The following NAP1L1 variants were observed in gnomAD, a reference collection of about 807,000 sequenced individuals.
The protein encoded by NAP1L1 is nucleosome assembly protein 1 like 1.
In NAP1L1, 9 loss-of-function variants were observed where a neutral mutation model predicts 58.9. The observed-to-expected ratio is 0.15, with a 90% CI of 0.09 to 0.27. The LOEUF (loss-of-function observed/expected upper bound fraction) is 0.27. Among genes scored for constraint, NAP1L1 ranks in the 10% least tolerant of loss-of-function variants. The pLI, the probability that NAP1L1 is intolerant of heterozygous loss-of-function variation, is 1.00. For missense variants in NAP1L1, 302 were observed against 458.8 expected, an observed-to-expected ratio of 0.66 and a Z score of 3.12; for synonymous variants, 130 against 138.3, an observed-to-expected ratio of 0.94 and a Z score of 0.42.
At chr12:76,049,688 T>A in intron 13 of NAP1L1, 68 bp downstream of exon 13, 1 of 1,577,610 alleles carries the variant, frequency 6.3e-7, no homozygotes, top group South Asian at 1.1e-5. Flanking sequence ...AAGGAATACA[T>A]AAGTCATTCA....
chr12:76,077,980 C>CAAAAAAA (rs58558132), intron 1 of NAP1L1, among the ~76,000 whole-genome samples: 40 of 65,450 alleles, frequency 6.1e-4, no homozygotes, highest in East Asian at 2.9e-3. Flanking sequence ...GACCCTGTCT[C>CAAAAAAA]AAAAAAAAAA....
At chr12:76,052,154 T>C (rs147987907) in intron 11 of NAP1L1, among the ~76,000 whole-genome samples, 8 of 152,042 alleles carry the variant, frequency 5.3e-5, no homozygotes, top group African/African-American at 1.9e-4. Flanking sequence ...ATCTAATAAA[T>C]AGAAAAATCC....
chr12:76,070,764 A>T (rs922742438), intron 2 of NAP1L1, among the ~76,000 whole-genome samples: 1 of 152,124 alleles, frequency 6.6e-6, no homozygotes. Flanking sequence ...AGTCCCTTAT[A>T]TAAAATGGCA....
rs369849233 is a variant in NAP1L1, at chr12:76,050,666, G to C, written c.937-13C>G. ...CAGCATCATCATCCTATTTTTAAAGGAAAACAAAAGCAGAAAATTTAGGAA... is the reference window on the plus strand; with the variant it reads ...CAGCATCATCATCCTATTTTTAAAGCAAAACAAAAGCAGAAAATTTAGGAA... On this transcript the variant is annotated splice_polypyrimidine_tract_variant and intron_variant, in intron 11 of 14. Transcript: ENST00000618691. 209 of 1,592,206 alleles carry C rather than the reference G, an allele frequency of 1.3e-4. 1 individual carries two copies. In the Middle Eastern group the frequency reaches 1.5e-3, roughly 12 times the overall value.
In NAP1L1 at chr12:76,048,282, TG is replaced by T. The variant is rs1270247292; in HGVS notation, c.*146del. ...AGTTAAAATGCTAGGTAGAACAAAT[TG>T]GTCTTTAAAATATCAGTTTCCTGTC... On this transcript the variant is annotated 3_prime_UTR_variant, in exon 15 of 15. Transcript: ENST00000618691. 3.8e-6 allele frequency: 3 copies of T among 779,376 alleles called. No individual in the cohort carries two copies. The African/African-American group carries it at 5.3e-5, about 14-fold the overall frequency. The allele number at this position is 779,376 out of a possible 1,614,324, so 48.3% of individuals were successfully genotyped here.
chr12:76,048,484 A>C lies in NAP1L1; in HGVS notation c.1141-20T>G, dbSNP rs1565711745. 1.2e-6 allele frequency: 2 copies of C among 1,613,526 alleles called. No individual in the cohort carries two copies. The highest frequency in any genetic ancestry group is 2.2e-5 in the South Asian group (2 of 91,048). ...ATCCTTCTGTTAAAGGAAAACAACA[A>C]GTCAATCTATCTTCTTCTACCTGCT... On this transcript the variant is annotated intron_variant, in intron 14 of 14. Transcript: ENST00000618691.
chr12:76,049,429 C>T, intron 13 of NAP1L1, 179 bp from the exon 14 acceptor site: 1 of 1,534,578 alleles, frequency 6.5e-7, no homozygotes, highest in Middle Eastern at 1.7e-4. Flanking sequence ...CCCAACACAA[C>T]TTGAGACATC....
At chr12:76,067,722 A>G (rs1463591059) in intron 3 of NAP1L1, among the ~76,000 whole-genome samples, 1 of 152,176 alleles carries the variant, frequency 6.6e-6, no homozygotes, top group East Asian at 1.9e-4. Flanking sequence ...AACTATATGA[A>G]CAATATCCTT....
At position 76,069,030 on chromosome 12, in the gene NAP1L1, T is replaced by C. The variant is rs1592677786; in HGVS notation, c.18-36A>G. 17 of 1,400,468 alleles carry C rather than the reference T, an allele frequency of 1.2e-5. No homozygotes were observed. The East Asian group carries it at 3.5e-4, about 29-fold the overall frequency. 86.8% of individuals were successfully genotyped at this position (1,400,468 alleles called of 1,614,324 possible). A position where few individuals can be genotyped will look rare whatever the true frequency, so the allele number is the denominator to read the frequency against. On this transcript the variant is annotated intron_variant, in intron 2 of 14. Coordinates refer to ENST00000618691, the MANE Select transcript of NAP1L1 (RefSeq NM_004537.7). ...ATAGTATCACACCAAGGTTCAAATG[T>C]ACCAATTACCAAAAAAAGTTACAGA...
rs1260303460 is a variant in NAP1L1, at chr12:76,039,894, T to C, written c.*8535A>G. 1 of 152,234 alleles carries C rather than the reference T, an allele frequency of 6.6e-6. No homozygotes were observed. Among genetic ancestry groups the C allele is most frequent in the Non-Finnish European group, 1.5e-5 (1 of 68,040 alleles). 9.4% of individuals were successfully genotyped at this position (152,234 alleles called of 1,614,324 possible). A position where few individuals can be genotyped will look rare whatever the true frequency, so the allele number is the denominator to read the frequency against. The stretch of plus-strand genomic sequence containing the variant: ...CTGAAATCCCACTAGTTTAAAACTA[T>C]ACATGGAATAGCAATGAAGTTTTTC... On this transcript the variant is annotated 3_prime_UTR_variant, in exon 15 of 15. Coordinates refer to ENST00000618691, the MANE Select transcript of NAP1L1 (RefSeq NM_004537.7).
At chr12:76,075,945 C>T (rs550226825) in intron 1 of NAP1L1, among the ~76,000 whole-genome samples, 2 of 152,190 alleles carry the variant, frequency 1.3e-5, no homozygotes, top group African/African-American at 4.8e-5. Flanking sequence ...AGAAGGACCG[C>T]TTGAGGCCAG....
intron 6 of NAP1L1, chr12:76,058,225 GTATTC>G: frequency 9.7e-6 from 2 of 206,196 alleles, no homozygotes; most frequent in Non-Finnish European, 9.6e-6. Flanking sequence ...ATATATATAT[GTATTC>G]TACAGTAAAA....
chr12:76,079,012 C>CACAT (rs1950300342), intron 1 of NAP1L1, among the ~76,000 whole-genome samples: 9 of 151,712 alleles, frequency 5.9e-5, no homozygotes, highest in Non-Finnish European at 1.5e-5. Flanking sequence ...CACACACACA[C>CACAT]ATATATTTAT....
rs986480818 is a variant in NAP1L1 at position 76,042,902 on chromosome 12, T to G, written c.*5527A>C. The G allele has an allele frequency of 1.3e-5, 2 of 152,178 alleles. No homozygotes were observed. Among genetic ancestry groups the G allele is most frequent in the African/African-American group, 2.4e-5 (1 of 41,448 alleles). 9.4% of individuals were successfully genotyped at this position (152,178 alleles called of 1,614,324 possible). On this transcript the variant is annotated 3_prime_UTR_variant, in exon 15 of 15. Coordinates refer to ENST00000618691, the MANE Select transcript of NAP1L1 (RefSeq NM_004537.7). ...AGTATGTTGATCAGAGTAAAGAATA[T>G]ACCGGAATTCTTTCAACTATTTTCA... is the stretch of plus-strand genomic sequence containing the variant.
At chr12:76,068,067 T>C (rs1264616924) in intron 3 of NAP1L1, among the ~76,000 whole-genome samples, 2 of 152,218 alleles carry the variant, frequency 1.3e-5, no homozygotes, top group Admixed American at 6.5e-5. Flanking sequence ...ACTAGACTTA[T>C]ACAAAACAAA....
chr12:76,042,635 A>G lies in NAP1L1; in HGVS notation c.*5794T>C, dbSNP rs1948561207. ...ACGGACGGCAGTAGCAGTAGGAAAA[A>G]TAACATTGTTTGATTCAACTTCAAA... On this transcript the variant is annotated 3_prime_UTR_variant, in exon 15 of 15. Coordinates refer to ENST00000618691, the MANE Select transcript of NAP1L1 (RefSeq NM_004537.7). The G allele has an allele frequency of 6.6e-6, 1 of 152,234 alleles. No homozygotes were observed. Among genetic ancestry groups the G allele is most frequent in the African/African-American group, 2.4e-5 (1 of 41,472 alleles). 9.4% of individuals were successfully genotyped at this position (152,234 alleles called of 1,614,324 possible).
intron 6 of NAP1L1, among the ~76,000 whole-genome samples, chr12:76,059,067 C>A (rs1949281899): frequency 6.6e-6 from 1 of 152,106 alleles, no homozygotes; most frequent in Non-Finnish European, 1.5e-5. Flanking sequence ...AAACAATAAG[C>A]CTTGCAATAA....
chr12:76,068,735 T>C (rs867071187), intron 3 of NAP1L1, 174 bp downstream of exon 3: 141 of 294,968 alleles, frequency 4.8e-4, no homozygotes, highest in African/African-American at 1.3e-3. Context: ...ACCCGCCCCT[T>C]ACACACACAC....
intron 1 of NAP1L1, among the ~76,000 whole-genome samples, chr12:76,082,744 T>C (rs1441124899): frequency 6.6e-6 from 1 of 152,230 alleles, no homozygotes; most frequent in Admixed American, 6.5e-5. Context: ...GTCATTTACT[T>C]CCCTTCGATT....
Sources: allele counts gnomAD v4.1 joint callset (sites outside exome capture counted in the v4.1 genomes callset), GRCh38; gene constraint gnomAD v4.1.1; transcripts MANE v1.5; gene names NCBI Gene and HGNC (gene_info 2026-07-23, HGNC 2026-07-21).